Variants in TMEM127 observed in about 807,000 individuals in gnomAD.
The protein encoded by TMEM127 is transmembrane protein 127.
TMEM127 carries 21 observed loss-of-function variants against 20.1 expected under a neutral mutation model. The ratio of observed to expected loss-of-function variants is 1.04; its 90% confidence interval spans 0.74 to 1.50. The LOEUF (loss-of-function observed/expected upper bound fraction) is 1.50, where lower values mean the gene tolerates loss of function less well. Ranked by LOEUF, TMEM127 falls within the 40% of genes most tolerant of loss-of-function variation. TMEM127 has a pLI of 0.00. For synonymous variants in TMEM127, 150 were observed against 144.7 expected, an observed-to-expected ratio of 1.04 and a Z score of -0.26; for missense variants, 303 against 317.4, an observed-to-expected ratio of 0.95 and a Z score of 0.34.
chr2:96,256,517 G>C (rs542059432), intron 2 of TMEM127, among the ~76,000 whole-genome samples: 1 of 148,920 alleles, frequency 6.7e-6, no homozygotes, highest in Non-Finnish European at 1.5e-5. Flanking sequence ...GTTGCGGTGA[G>C]CCGAGATTGC....
intron 2 of TMEM127, among the ~76,000 whole-genome samples, chr2:96,263,718 T>C (rs1304177933): frequency 6.6e-6 from 1 of 152,072 alleles, no homozygotes; most frequent in Non-Finnish European, 1.5e-5. Flanking sequence ...CTGGGTAGCC[T>C]TGGGGAGATC....
Position 96,249,573 on chromosome 2 carries a change from C to T in TMEM127, c.*4235G>A, listed in dbSNP as rs1425132194. ...AGTAGTTTGAGACCAGCCTGGGCAACATGGTGAGACTGTCTCTACCCACCC... is the reference window on the plus strand; with the variant it reads ...AGTAGTTTGAGACCAGCCTGGGCAATATGGTGAGACTGTCTCTACCCACCC... On this transcript the variant is annotated 3_prime_UTR_variant, in exon 4 of 4. Coordinates refer to ENST00000258439, the MANE Select transcript of TMEM127 (RefSeq NM_017849.4). 3 of 230,642 alleles carry T rather than the reference C, an allele frequency of 1.3e-5. No individual in the cohort carries two copies. Among genetic ancestry groups the T allele is most frequent in the Non-Finnish European group, 1.7e-5 (2 of 116,504 alleles). 14.3% of individuals were successfully genotyped at this position (230,642 alleles called of 1,614,324 possible).
rs1273652006 is a variant in TMEM127 at position 96,265,992 on chromosome 2, A to ACTTCCGG, written c.-256_-255insCCGGAAG. The ACTTCCGG allele has an allele frequency of 9.7e-6, 2 of 205,522 alleles. No homozygotes were observed. Among genetic ancestry groups the ACTTCCGG allele is most frequent in the Non-Finnish European group, 1.9e-5 (2 of 102,860 alleles). The allele number at this position is 205,522 out of a possible 1,614,324, so 12.7% of individuals were successfully genotyped here. A position where few individuals can be genotyped will look rare whatever the true frequency, so the allele number is the denominator to read the frequency against. ...GCCCGGACAGACCCGGGGCCGATGC[A>ACTTCCGG]CTTCCGGCTTCCTCCTCCTCTGCCT... On this transcript the variant is annotated 5_prime_UTR_variant, in exon 1 of 4. Transcript: ENST00000258439.
chr2:96,256,090 G>T (rs143277307), intron 2 of TMEM127, among the ~76,000 whole-genome samples: 2,380 of 151,920 alleles, frequency 0.016, 69 homozygotes, highest in African/African-American at 0.055. Flanking sequence ...GGCCAACATG[G>T]TGAAACCCCG....
Position 96,265,354 on chromosome 2 carries a change from G to A in TMEM127, c.28C>T (p.Pro10Ser), listed in dbSNP as rs1161858061. ...GGGCTCCTCCGCCGGCGCCCGCCGG[G>A]CAGCCCTGCGCCTCCGGGGGCGTAC... MYAPGGAGL[P>S]GGRRRRSPGG... Residue 10 changes from proline (P) to serine (S), a missense_variant, in exon 2 of 4, where the codon CCC becomes TCC. By Grantham distance (74) the Pro-to-Ser change is moderately conservative (BLOSUM62 -1). Transcript: ENST00000258439. 2 of 1,482,686 alleles carry A rather than the reference G, an allele frequency of 1.3e-6. No individual in the cohort carries two copies. The highest frequency in any genetic ancestry group is 8.9e-7 in the Non-Finnish European group (1 of 1,123,398). 91.8% of individuals were successfully genotyped at this position (1,482,686 alleles called of 1,614,324 possible). A position where few individuals can be genotyped will look rare whatever the true frequency, so the allele number is the denominator to read the frequency against.
At chr2:96,263,795 T>G (rs933117910) in intron 2 of TMEM127, among the ~76,000 whole-genome samples, 3 of 152,200 alleles carry the variant, frequency 2.0e-5, no homozygotes, top group Non-Finnish European at 4.4e-5. Flanking sequence ...TCTAGCTTTC[T>G]AGATCTGATG....
rs1476902396 is a variant in TMEM127 at position 96,251,279 on chromosome 2, A to C, written c.*2529T>G. 3 of 202,420 alleles carry C rather than the reference A, an allele frequency of 1.5e-5. No individual in the cohort carries two copies. Among genetic ancestry groups the C allele is most frequent in the African/African-American group, 6.9e-5 (3 of 43,640 alleles). The allele number at this position is 202,420 out of a possible 1,614,324, so 12.5% of individuals were successfully genotyped here. On this transcript the variant is annotated 3_prime_UTR_variant, in exon 4 of 4. Transcript: ENST00000258439. ...ATGCCTATAATCCCAGCACTTTGGGAGGCCAAGGTGGGTGGATAACCTGAG... is the reference window on the plus strand; with the variant it reads ...ATGCCTATAATCCCAGCACTTTGGGCGGCCAAGGTGGGTGGATAACCTGAG...
At chr2:96,262,747 T>A (rs966102150) in intron 2 of TMEM127, among the ~76,000 whole-genome samples, 11 of 152,228 alleles carry the variant, frequency 7.2e-5, no homozygotes, top group Admixed American at 3.3e-4. Context: ...AGTGCAGTAG[T>A]GTGATCTGGG....
At position 96,254,434 on chromosome 2, in the gene TMEM127, T is replaced by C. The variant is rs528148097; in HGVS notation, c.410-319A>G. Among the ~76,000 whole-genome samples, 6 of 152,148 alleles carry C rather than the reference T, an allele frequency of 3.9e-5. No homozygotes were observed. In the South Asian group the frequency reaches 1.2e-3, roughly 32 times the overall value. On this transcript the variant is annotated intron_variant, in intron 3 of 3. Coordinates refer to ENST00000258439, the MANE Select transcript of TMEM127 (RefSeq NM_017849.4). The stretch of plus-strand genomic sequence containing the variant: ...GGCACGAGGGAGGACAGCAGCTACA[T>C]ACAAGAAAAGGCGGGTCTGTAGGGA...
At position 96,255,007 on chromosome 2, in the gene TMEM127, G is replaced by A. The variant is rs1573970399; in HGVS notation, c.245-10C>T. The A allele has an allele frequency of 3.1e-6, 5 of 1,614,098 alleles. No individual in the cohort carries two copies. The highest frequency in any genetic ancestry group is 4.2e-6 in the Non-Finnish European group (5 of 1,179,998). On this transcript the variant is annotated splice_polypyrimidine_tract_variant and intron_variant, in intron 2 of 3. Coordinates refer to ENST00000258439, the MANE Select transcript of TMEM127 (RefSeq NM_017849.4). ...GGATTCATGCAGAAATCTGTAGAGG[G>A]AGAACCAAATTTTCACGGCCCCAAG...
At chr2:96,260,874 C>G (rs1019445650) in intron 2 of TMEM127, among the ~76,000 whole-genome samples, 2 of 152,236 alleles carry the variant, frequency 1.3e-5, no homozygotes, top group Non-Finnish European at 2.9e-5. Flanking sequence ...AGGCCTGCGA[C>G]ACAGGCCTCT....
At chr2:96,262,970 T>TGCCTG (rs967677821) in intron 2 of TMEM127, among the ~76,000 whole-genome samples, 6 of 151,678 alleles carry the variant, frequency 4.0e-5, no homozygotes, top group African/African-American at 1.5e-4. Flanking sequence ...TGAGCCTCCA[T>TGCCTG]GCCTGGCCTG....
rs1223613323 is a variant in TMEM127, at chr2:96,265,332, C to A, written c.50G>T (p.Ser17Ile). The change falls in exon 2 of 4, where the codon AGC becomes ATC. Residue 17 changes from serine (S) to isoleucine (I), a missense_variant. Physicochemically the swap from Ser to Ile is moderately radical, Grantham distance 142 (BLOSUM62 -2). Transcript: ENST00000258439. Reference sequence around the variant, plus strand: ...CTTGGGCAGAGCGCTGCCTCCCGGGCTCCTCCGCCGGCGCCCGCCGGGCAG... The same window carrying A: ...CTTGGGCAGAGCGCTGCCTCCCGGGATCCTCCGCCGGCGCCCGCCGGGCAG... The part of the protein sequence containing the change: ...AGLPGGRRRR[S>I]PGGSALPKQP... 2.6e-6 allele frequency: 4 copies of A among 1,518,984 alleles called. No individual in the cohort carries two copies. The highest frequency in any genetic ancestry group is 5.0e-5 in the East Asian group (2 of 40,206). 94.1% of individuals were successfully genotyped at this position (1,518,984 alleles called of 1,614,324 possible).
rs535028292 is a variant in TMEM127, at chr2:96,251,419, C to G, written c.*2389G>C. On this transcript the variant is annotated 3_prime_UTR_variant, in exon 4 of 4. Coordinates refer to ENST00000258439, the MANE Select transcript of TMEM127 (RefSeq NM_017849.4). The stretch of plus-strand genomic sequence containing the variant: ...CCTGTAATCCCAGCTACTCAGGAGG[C>G]TGAGGCAGGATAATCGCTTGAACCC... 1.2e-4 allele frequency: 24 copies of G among 200,172 alleles called. No individual in the cohort carries two copies. The Admixed American group carries it at 1.2e-3, about 10-fold the overall frequency. 12.4% of individuals were successfully genotyped at this position (200,172 alleles called of 1,614,324 possible).
chr2:96,265,253 C>G lies in TMEM127; in HGVS notation c.129G>C (p.Ala43=). Residue 43 remains alanine, a synonymous_variant, in exon 2 of 4, where the codon GCG becomes GCC. Coordinates refer to ENST00000258439, the MANE Select transcript of TMEM127 (RefSeq NM_017849.4). ...SALPGALSIT[A]LCTALAEPAW... Reference sequence around the variant, plus strand: ...CGGGCTCGGCGAGGGCAGTGCACAGCGCCGTGATAGACAGGGCGCCAGGCA... The same window carrying G: ...CGGGCTCGGCGAGGGCAGTGCACAGGGCCGTGATAGACAGGGCGCCAGGCA... 1 of 1,592,138 alleles carries G rather than the reference C, an allele frequency of 6.3e-7. No individual in the cohort carries two copies. The highest frequency in any genetic ancestry group is 8.5e-7 in the Non-Finnish European group (1 of 1,173,640).
At chr2:96,257,045 A>G (rs936940200) in intron 2 of TMEM127, among the ~76,000 whole-genome samples, 10 of 152,238 alleles carry the variant, frequency 6.6e-5, no homozygotes, top group Admixed American at 5.9e-4. Flanking sequence ...GAAAAGACAC[A>G]GCACTCAAGG....
rs189960587 is a variant in TMEM127, at chr2:96,260,228, A to G, written c.244+4910T>C. ...GAGCACACCGGAAGAACAGGCAGTTATCCTAGACAGGCTTGGAGCCCAGCT... is the reference window on the plus strand; with the variant it reads ...GAGCACACCGGAAGAACAGGCAGTTGTCCTAGACAGGCTTGGAGCCCAGCT... On this transcript the variant is annotated intron_variant, in intron 2 of 3. Coordinates refer to ENST00000258439, the MANE Select transcript of TMEM127 (RefSeq NM_017849.4). Among the ~76,000 whole-genome samples, 3 of 152,344 alleles carry G rather than the reference A, an allele frequency of 2.0e-5. No individual in the cohort carries two copies. In the East Asian group the frequency reaches 5.8e-4, roughly 29 times the overall value.
At position 96,253,004 on chromosome 2, in the gene TMEM127, T is replaced by C. The variant is rs1376512984; in HGVS notation, c.*804A>G. 4.3e-6 allele frequency: 1 copy of C among 233,234 alleles called. No homozygotes were observed. The highest frequency in any genetic ancestry group is 5.6e-5 in the Admixed American group (1 of 17,788). The allele number at this position is 233,234 out of a possible 1,614,324, so 14.4% of individuals were successfully genotyped here. On this transcript the variant is annotated 3_prime_UTR_variant, in exon 4 of 4. Coordinates refer to ENST00000258439, the MANE Select transcript of TMEM127 (RefSeq NM_017849.4). The surrounding 1 kb of genome is among the most constrained non-coding windows in gnomAD (Gnocchi z 4.3). Reference sequence around the variant, plus strand: ...TGTCTAAAAAGTGACAACAGTCTTGTCCCTATTTTAAAAACAGAATATTGT... The same window carrying C: ...TGTCTAAAAAGTGACAACAGTCTTGCCCCTATTTTAAAAACAGAATATTGT...
rs973398106 is a variant in TMEM127, at chr2:96,265,438, G to A, written c.-57C>T. 1.4e-5 allele frequency: 18 copies of A among 1,309,708 alleles called. No homozygotes were observed. The highest frequency in any genetic ancestry group is 4.7e-5 in the African/African-American group (3 of 64,416). 81.1% of individuals were successfully genotyped at this position (1,309,708 alleles called of 1,614,324 possible). A position where few individuals can be genotyped will look rare whatever the true frequency, so the allele number is the denominator to read the frequency against. On this transcript the variant is annotated 5_prime_UTR_variant, in exon 2 of 4. Transcript: ENST00000258439. ...GCTGCTGGTCGCCGCCGACCTCCGC[G>A]GGGCGCGCAGAGCCTGACAGTCCGG...
Sources: allele counts gnomAD v4.1 joint callset (sites outside exome capture counted in the v4.1 genomes callset), GRCh38; gene constraint gnomAD v4.1.1; non-coding constraint Gnocchi (gnomAD v3.1); transcripts MANE v1.5; gene names NCBI Gene and HGNC (gene_info 2026-07-23, HGNC 2026-07-21).